Variants in PRKCE observed in about 807,000 individuals in gnomAD.
PRKCE encodes the protein protein kinase C epsilon.
A neutral mutation model predicts 85.4 loss-of-function variants in PRKCE; 16 were observed. The observed-to-expected ratio is 0.19, with a 90% confidence interval of 0.13 to 0.28. PRKCE has a LOEUF of 0.28. Ranked by LOEUF, PRKCE falls within the 10% of genes least tolerant of loss-of-function variation. PRKCE has a pLI of 1.00. For synonymous variants in PRKCE, 388 were observed against 371.5 expected (o/e 1.04, Z -0.51); for missense variants, 573 against 975.2 (o/e 0.59, Z 5.49).
chr2:45,977,834 C>G (rs746717418), intron 3 of PRKCE, among the ~76,000 whole-genome samples: 1 of 152,170 alleles, frequency 6.6e-6, no homozygotes, highest in Non-Finnish European at 1.5e-5. Context: ...CCTGACATCC[C>G]ACCAGCCTTT....
At chr2:45,934,149 C>A (rs754225743) in intron 2 of PRKCE, among the ~76,000 whole-genome samples, 8 of 152,200 alleles carry the variant, frequency 5.3e-5, no homozygotes, top group Non-Finnish European at 8.8e-5. Flanking sequence ...AAGCTCACAG[C>A]CATAGTGGAG....
chr2:46,011,519 A>C (rs1035779844), intron 10 of PRKCE, among the ~76,000 whole-genome samples: 5 of 152,156 alleles, frequency 3.3e-5, no homozygotes, highest in African/African-American at 4.8e-5. Context: ...CCCTGACCTC[A>C]TGGAGTTTAC....
intron 2 of PRKCE, among the ~76,000 whole-genome samples, chr2:45,930,386 T>G (rs968842394): frequency 6.6e-6 from 1 of 152,206 alleles, no homozygotes; most frequent in African/African-American, 2.4e-5. Flanking sequence ...GATTAGCTAG[T>G]GGCAGATCCA....
intron 2 of PRKCE, among the ~76,000 whole-genome samples, chr2:45,871,635 T>C (rs981183868): frequency 6.6e-6 from 1 of 152,176 alleles, no homozygotes; most frequent in Non-Finnish European, 1.5e-5. Context: ...GCTGAAGGGT[T>C]TACATGGGAT....
chr2:46,092,272 A>G (rs1670236179), intron 11 of PRKCE, among the ~76,000 whole-genome samples: 1 of 152,236 alleles, frequency 6.6e-6, no homozygotes, highest in Admixed American at 6.5e-5. Flanking sequence ...CATTTTGAGC[A>G]TTAAAATTTG....
At chr2:45,791,889 T>C (rs1687063993) in intron 1 of PRKCE, among the ~76,000 whole-genome samples, 2 of 152,218 alleles carry the variant, frequency 1.3e-5, no homozygotes, top group South Asian at 4.1e-4. Flanking sequence ...ACAGGACCTC[T>C]CTGGGTCTCA....
intron 11 of PRKCE, among the ~76,000 whole-genome samples, chr2:46,136,540 T>G (rs1170382586): frequency 2.0e-5 from 3 of 152,186 alleles, no homozygotes; most frequent in African/African-American, 7.2e-5. Flanking sequence ...TAGCCTTGTT[T>G]ACTCACCCCC....
intron 10 of PRKCE, among the ~76,000 whole-genome samples, chr2:46,029,435 A>G (rs1574279767): frequency 2.0e-5 from 3 of 152,162 alleles, no homozygotes; most frequent in Non-Finnish European, 4.4e-5. Flanking sequence ...TTCATGTGAC[A>G]CCGGGGTGAA....
chr2:46,060,509 G>A (rs1207025506), intron 10 of PRKCE, among the ~76,000 whole-genome samples: 2 of 152,218 alleles, frequency 1.3e-5, no homozygotes, highest in Non-Finnish European at 2.9e-5. Context: ...TCATCCAGAA[G>A]GAGAGGGGAA....
At chr2:45,722,121 G>T (rs1680675620) in intron 1 of PRKCE, among the ~76,000 whole-genome samples, 1 of 152,046 alleles carries the variant, frequency 6.6e-6, no homozygotes, top group Non-Finnish European at 1.5e-5. Context: ...CCCATTGCAT[G>T]TTAACACAAA....
At chr2:45,678,627 G>A (rs1357380090) in intron 1 of PRKCE, among the ~76,000 whole-genome samples, 3 of 152,136 alleles carry the variant, frequency 2.0e-5, no homozygotes, top group African/African-American at 7.2e-5. Context: ...AAAATTTGGA[G>A]GGAACCTTTC....
chr2:45,838,265 C>T (rs1691056078), intron 1 of PRKCE, among the ~76,000 whole-genome samples: 1 of 152,182 alleles, frequency 6.6e-6, no homozygotes, highest in Non-Finnish European at 1.5e-5. Flanking sequence ...AGAGGAGGCT[C>T]AGTTGGCCAG....
chr2:46,142,688 G>A (rs1476883945), intron 11 of PRKCE, among the ~76,000 whole-genome samples: 1 of 152,244 alleles, frequency 6.6e-6, no homozygotes, highest in South Asian at 2.1e-4. Context: ...CAAAGGGAGG[G>A]TGAGCATCTG....
rs1691960837 is a variant in PRKCE at position 45,848,300 on chromosome 2, T to C, written c.412+5237T>C. ...AACCATTCATTCAAATGACCAATAGTTAGCAATTCATTTTTTTTTTCTTTT... is the reference window on the plus strand; with the variant it reads ...AACCATTCATTCAAATGACCAATAGCTAGCAATTCATTTTTTTTTTCTTTT... On this transcript the variant is annotated intron_variant, in intron 2 of 14. Coordinates refer to ENST00000306156, the MANE Select transcript of PRKCE (RefSeq NM_005400.3). Among the ~76,000 whole-genome samples the C allele has an allele frequency of 2.0e-5, 3 of 147,380 alleles. No individual in the cohort carries two copies. The Admixed American group carries it at 2.1e-4, about 10-fold the overall frequency.
At position 45,978,975 on chromosome 2, in the gene PRKCE, G is replaced by A. The variant is rs1406971457; in HGVS notation, c.573-1G>A. On this transcript the variant is annotated splice_acceptor_variant, in intron 3 of 14. Transcript: ENST00000306156. LOFTEE classifies it high-confidence loss of function. ...TAAAAAAATGTTATTCTTCTTTTCA[G>A]GGGTGTCATAGGAAAGCAGGGATAC... The A allele has an allele frequency of 6.3e-7, 1 of 1,598,780 alleles. No individual in the cohort carries two copies. The highest frequency in any genetic ancestry group is 1.3e-5 in the African/African-American group (1 of 74,838).
intron 1 of PRKCE, among the ~76,000 whole-genome samples, chr2:45,723,616 G>C (rs1448261449): frequency 1.3e-5 from 2 of 151,982 alleles, no homozygotes; most frequent in African/African-American, 4.8e-5. Context: ...GTTTTGTTTT[G>C]TTTTTTGAGA....
intron 10 of PRKCE, among the ~76,000 whole-genome samples, chr2:46,030,125 C>A (rs917354162): frequency 3.3e-5 from 5 of 152,134 alleles, no homozygotes; most frequent in East Asian, 1.9e-4. Flanking sequence ...ATCCCCACAT[C>A]CTGGGAGGGC....
intron 1 of PRKCE, among the ~76,000 whole-genome samples, chr2:45,744,440 TCTTTC>T (rs1435417063): frequency 9.1e-4 from 46 of 50,536 alleles, no homozygotes; most frequent in African/African-American, 4.5e-3. Flanking sequence ...TTTCTTTCTT[TCTTTC>T]TTTCTTTCTT....
rs145685792 is a variant in PRKCE at position 45,831,024 on chromosome 2, G to T, written c.349-11976G>T. ...TATGCAGTGCTACAGTTGTGCAGCAGACCAGAGAGCGTCAGCTCAGATCAG... is the reference window on the plus strand; with the variant it reads ...TATGCAGTGCTACAGTTGTGCAGCATACCAGAGAGCGTCAGCTCAGATCAG... On this transcript the variant is annotated intron_variant, in intron 1 of 14. Transcript: ENST00000306156. Among the ~76,000 whole-genome samples, 362 of 152,378 alleles carry T rather than the reference G, an allele frequency of 2.4e-3. 1 individual carries two copies. Among genetic ancestry groups the T allele is most frequent in the African/African-American group, 7.6e-3 (316 of 41,586 alleles).
Sources: gnomAD v4.1 joint callset for allele counts (sites outside exome capture counted in the v4.1 genomes callset) on GRCh38, gnomAD v4.1.1 for gene constraint, MANE v1.5 for transcripts, NCBI Gene and HGNC (gene_info 2026-07-23, HGNC 2026-07-21) for gene names.